HLA-DPA1: variants seen among roughly 807,000 people sequenced by gnomAD.
HLA-DPA1 encodes major histocompatibility complex, class II, DP alpha 1.
HLA-DPA1 carries 20 observed loss-of-function variants against 21.5 expected under a neutral mutation model. The observed-to-expected ratio is 0.93, with a 90% CI of 0.66 to 1.35. The LOEUF (loss-of-function observed/expected upper bound fraction) is 1.35. HLA-DPA1 is among the 40% of genes most tolerant of loss of function. The probability of loss-of-function intolerance (pLI) is 0.00; values close to 1 mark genes in which losing one functional copy is unlikely to be tolerated. For missense variants in HLA-DPA1, 279 were observed against 323.0 expected (o/e 0.86, Z 1.05); for synonymous variants, 123 against 129.6 (o/e 0.95, Z 0.35).
chr6:33,071,064 T>C lies in HLA-DPA1; in HGVS notation c.101-1178A>G, dbSNP rs142526958. Among the ~76,000 whole-genome samples, 542 of 151,018 alleles carry C rather than the reference T, an allele frequency of 3.6e-3. 2 individuals are homozygous for C. The highest frequency in any genetic ancestry group is 0.026 in the East Asian group (133 of 5,082). ...GTGAGAAGGAACTACGGGACTCTTC[T>C]GCTCTCACCTCCCAACTCACAGATT... is the stretch of plus-strand genomic sequence containing the variant. On this transcript the variant is annotated intron_variant, in intron 2 of 5. Coordinates refer to ENST00000419277, the Ensembl canonical transcript of HLA-DPA1.
At chr6:33,069,268 G>T (rs41562016) in exon 4 of HLA-DPA1, 2 of 1,612,972 alleles carry the variant, frequency 1.2e-6, no homozygotes, top group Non-Finnish European at 1.7e-6. Flanking sequence ...AGCTCCACAG[G>T]CTCCTTGGGA....
Position 33,073,584 on chromosome 6 carries a change from T to C in HLA-DPA1, c.-14A>G, listed in dbSNP as rs757163790. 8 of 1,591,000 alleles carry C rather than the reference T, an allele frequency of 5.0e-6. No homozygotes were observed. The African/African-American group carries it at 5.4e-5, about 11-fold the overall frequency. On this transcript the variant is annotated 5_prime_UTR_variant, in exon 2 of 6. Transcript: ENST00000419277. ...TTCAGGGCGCATGTTGTGGGGTCTA[T>C]AATTGATGACTGTGAGCACAGGAAC...
rs1762470588 is a variant in HLA-DPA1, at chr6:33,075,051, A to T, written c.-99-1382T>A. Among the ~76,000 whole-genome samples, 4 of 152,388 alleles carry T rather than the reference A, an allele frequency of 2.6e-5. No individual in the cohort carries two copies. In the South Asian group the frequency reaches 8.3e-4, roughly 32 times the overall value. ...CAGGATCACATTTATAAGTGTCTAA[A>T]GTAAGAAGTAATGTTCTTTGAAAGT... On this transcript the variant is annotated intron_variant, in intron 1 of 5. Coordinates refer to ENST00000419277, the Ensembl canonical transcript of HLA-DPA1.
intron 2 of HLA-DPA1, among the ~76,000 whole-genome samples, chr6:33,073,001 T>G (rs1015435009): frequency 6.6e-6 from 1 of 152,138 alleles, no homozygotes; most frequent in Non-Finnish European, 1.5e-5. Flanking sequence ...TCGGAGTTCC[T>G]GTAAAGCAGC....
At chr6:33,068,798 T>G in exon 5 of HLA-DPA1, 2 of 1,612,852 alleles carry the variant, frequency 1.2e-6, no homozygotes, top group Non-Finnish European at 1.7e-6. Flanking sequence ...GATTGGCTCT[T>G]GGGCCTCTGG....
At chr6:33,068,932 A>ATG in intron 4 of HLA-DPA1, 87 bp downstream of exon 3, 1 of 1,538,628 alleles carries the variant, frequency 6.5e-7, no homozygotes, top group Non-Finnish European at 8.9e-7. Context: ...ACTGAGACCC[A>ATG]GCCAGTGCGG....
At position 33,065,410 on chromosome 6, in the gene HLA-DPA1, TC is replaced by T. The variant is rs1761910731; in HGVS notation, c.*13-64del. The T allele has an allele frequency of 1.3e-5, 2 of 152,496 alleles. 1 individual carries two copies. The highest frequency in any genetic ancestry group is 4.1e-4 in the South Asian group (2 of 4,836). 9.4% of individuals were successfully genotyped at this position (152,496 alleles called of 1,614,324 possible). A position where few individuals can be genotyped will look rare whatever the true frequency, so the allele number is the denominator to read the frequency against. On this transcript the variant is annotated intron_variant, in intron 5 of 5. Coordinates refer to ENST00000419277, the Ensembl canonical transcript of HLA-DPA1. ...CAGTACTGTAAGCCCGGACCCATCT[TC>T]CCCACTCCCTTTGCACCCGAGCTTC...
intron 5 of HLA-DPA1, chr6:33,068,362 GTGTA>G (rs1282490527): frequency 5.9e-6 from 2 of 338,988 alleles, no homozygotes; most frequent in South Asian, 7.7e-5. Flanking sequence ...TAAAGTCTCT[GTGTA>G]TGTAAAAAGA....
At chr6:33,075,975 C>A in intron 1 of HLA-DPA1, 2 of 1,167,816 alleles carry the variant, frequency 1.7e-6, no homozygotes, top group Non-Finnish European at 2.5e-6. Context: ...CAAACAGGAG[C>A]TCCCTTTAGC....
At chr6:33,072,682 T>C (rs1762337484) in intron 2 of HLA-DPA1, among the ~76,000 whole-genome samples, 2 of 152,208 alleles carry the variant, frequency 1.3e-5, no homozygotes, top group Non-Finnish European at 2.9e-5. Context: ...TCACTAGATT[T>C]TGGAATGACA....
At chr6:33,066,435 G>A (rs1761956853) in intron 5 of HLA-DPA1, 1 of 152,188 alleles carries the variant, frequency 6.6e-6, no homozygotes, top group Non-Finnish European at 1.5e-5. Context: ...CAAACACAAA[G>A]ATGAATCCCA....
intron 1 of HLA-DPA1, among the ~76,000 whole-genome samples, chr6:33,074,869 A>C (rs1762462678): frequency 6.6e-6 from 1 of 152,190 alleles, no homozygotes; most frequent in African/African-American, 2.4e-5. Context: ...TTTCTCCACA[A>C]TCCTCTCCTG....
chr6:33,069,872 T>C (rs1181355314), exon 3 of HLA-DPA1: 1 of 1,609,800 alleles, frequency 6.2e-7, no homozygotes, highest in Non-Finnish European at 8.5e-7. Context: ...GCGGCATAAG[T>C]TGACACATGG....
At chr6:33,068,381 A>G in intron 5 of HLA-DPA1, 1 of 396,880 alleles carries the variant, frequency 2.5e-6, no homozygotes, top group Admixed American at 4.1e-5. Context: ...AAAAGATGTA[A>G]GTATCTCTCA....
chr6:33,070,812 A>T lies in HLA-DPA1; in HGVS notation c.101-926T>A, dbSNP rs117397337. 1.4e-3 allele frequency among the ~76,000 whole-genome samples: 215 copies of T among 152,316 alleles called. 2 individuals are homozygous for T. The East Asian group carries it at 0.026, about 18-fold the overall frequency. ...AGATTATTTCATCACACAGGTACTA[A>T]GCATTCTAAACTTTTCTTACATTTA... On this transcript the variant is annotated intron_variant, in intron 2 of 5. Transcript: ENST00000419277.
chr6:33,076,655 T>G (rs1762556323), intron 1 of HLA-DPA1, among the ~76,000 whole-genome samples: 1 of 152,158 alleles, frequency 6.6e-6, no homozygotes, highest in Non-Finnish European at 1.5e-5. Context: ...GGGATAGGTT[T>G]TAGCCCCTGA....
At chr6:33,075,145 T>A (rs1762475851) in intron 1 of HLA-DPA1, among the ~76,000 whole-genome samples, 1 of 152,246 alleles carries the variant, frequency 6.6e-6, no homozygotes, top group South Asian at 2.1e-4. Context: ...TTTGATGATT[T>A]TTTTTCACTT....
intron 1 of HLA-DPA1, chr6:33,079,707 T>C: frequency 2.0e-6 from 1 of 509,468 alleles, no homozygotes. Flanking sequence ...CTCAAGGAGC[T>C]GAAAGTGCTG....
rs138659001 is a variant in HLA-DPA1, at chr6:33,076,305, G to C, written c.-99-2636C>G. On this transcript the variant is annotated intron_variant, in intron 1 of 5. Transcript: ENST00000419277. The stretch of plus-strand genomic sequence containing the variant: ...AAAGAGGTTCATCCCCTATAGGATA[G>C]CTTGCTACCCTACTGGCCTATTCTC... Among the ~76,000 whole-genome samples, 542 of 152,350 alleles carry C rather than the reference G, an allele frequency of 3.6e-3. 3 individuals are homozygous for C. The highest frequency in any genetic ancestry group is 0.025 in the East Asian group (132 of 5,188).
Sources: gnomAD v4.1 joint callset for allele counts (sites outside exome capture counted in the v4.1 genomes callset) on GRCh38, gnomAD v4.1.1 for gene constraint, MANE v1.5 for transcripts, NCBI Gene and HGNC (gene_info 2026-07-23, HGNC 2026-07-21) for gene names.